The following SYNDIG1 variants were observed in gnomAD, a reference collection of about 807,000 sequenced individuals.
SYNDIG1 encodes the protein synapse differentiation-inducing gene protein 1.
In SYNDIG1, 9 loss-of-function variants were observed where a neutral mutation model predicts 19.4. That is an observed-to-expected ratio of 0.46 (90% CI 0.28 to 0.81). The LOEUF (loss-of-function observed/expected upper bound fraction) is 0.81. SYNDIG1 is among the 30% of genes least tolerant of loss of function. The probability of loss-of-function intolerance (pLI) is 0.12; values close to 1 mark genes in which losing one functional copy is unlikely to be tolerated. For missense variants in SYNDIG1, 311 were observed against 343.3 expected (o/e 0.91, Z 0.74); for synonymous variants, 141 against 145.9 (o/e 0.97, Z 0.24).
At chr20:24,619,334 G>A (rs376965143) in intron 3 of SYNDIG1, among the ~76,000 whole-genome samples, 112 of 152,320 alleles carry the variant, frequency 7.4e-4, no homozygotes, top group Middle Eastern at 3.4e-3. Context: ...TTTCTGAAGA[G>A]TGGGGACCCA....
intron 1 of SYNDIG1, among the ~76,000 whole-genome samples, chr20:24,515,871 G>A (rs1214529970): frequency 2.2e-4 from 33 of 152,024 alleles, no homozygotes; most frequent in African/African-American, 5.1e-4. Flanking sequence ...AACAGAGCCC[G>A]CATTGCCAAG....
intron 3 of SYNDIG1, among the ~76,000 whole-genome samples, chr20:24,614,194 C>T (rs1000998181): frequency 2.0e-5 from 3 of 151,994 alleles, no homozygotes; most frequent in East Asian, 1.9e-4. Flanking sequence ...TGTAGAGATG[C>T]GGTCTCACTA....
In SYNDIG1 at chr20:24,584,871, GAC is replaced by G; in HGVS notation, c.500_501del (p.Thr167ArgfsTer3). On this transcript the variant is annotated frameshift_variant, in exon 3 of 4. Coordinates refer to ENST00000376862, the MANE Select transcript of SYNDIG1 (RefSeq NM_024893.3). LOFTEE classifies it high-confidence loss of function. Reference protein sequence around the residue: ...FQELESDYSSDTESEDNFLMM... With the variant: ...FQELESDYSSXTESEDNFLMM... ...TCTCTTGCAGAGCGACTACTCAAGC[GAC>G]ACAGAGAGTGAGGACAATTTCCTCA... 1 of 1,614,106 alleles carries G rather than the reference GAC, an allele frequency of 6.2e-7. No individual in the cohort carries two copies. The highest frequency in any genetic ancestry group is 8.5e-7 in the Non-Finnish European group (1 of 1,180,034).
intron 3 of SYNDIG1, among the ~76,000 whole-genome samples, chr20:24,652,518 G>A (rs1324104522): frequency 1.3e-5 from 2 of 152,210 alleles, no homozygotes; most frequent in Non-Finnish European, 2.9e-5. Flanking sequence ...GGTTGGCTGT[G>A]ACTCCAGTAA....
intron 1 of SYNDIG1, among the ~76,000 whole-genome samples, chr20:24,491,056 T>C (rs1483179272): frequency 6.6e-6 from 1 of 152,004 alleles, no homozygotes. Context: ...GCCTTTGAGG[T>C]CCAGGGTCAG....
chr20:24,554,303 C>A (rs893343666), intron 2 of SYNDIG1, among the ~76,000 whole-genome samples: 2 of 152,220 alleles, frequency 1.3e-5, no homozygotes, highest in African/African-American at 4.8e-5. Flanking sequence ...TTATTTCCTT[C>A]TCCTGCCTAA....
intron 3 of SYNDIG1, among the ~76,000 whole-genome samples, chr20:24,637,034 T>A (rs957589949): frequency 2.0e-5 from 3 of 152,198 alleles, no homozygotes; most frequent in African/African-American, 7.2e-5. Flanking sequence ...TTGCTTGACC[T>A]TTTCCCTGTG....
At chr20:24,560,368 C>G (rs2057916859) in intron 2 of SYNDIG1, among the ~76,000 whole-genome samples, 2 of 151,930 alleles carry the variant, frequency 1.3e-5, no homozygotes, top group African/African-American at 4.8e-5. Context: ...GGTTCTGTTC[C>G]TTTTCCTTTA....
chr20:24,663,838 C>A (rs1230072146), intron 3 of SYNDIG1, among the ~76,000 whole-genome samples: 2 of 152,102 alleles, frequency 1.3e-5, no homozygotes, highest in African/African-American at 4.8e-5. Context: ...AAGCCATGAC[C>A]CTAATGAGCA....
chr20:24,502,334 C>G (rs1329987828), intron 1 of SYNDIG1: 1 of 152,270 alleles, frequency 6.6e-6, no homozygotes, highest in East Asian at 1.9e-4. Context: ...CTCCCCATCA[C>G]TAAGTGAATC....
intron 2 of SYNDIG1, among the ~76,000 whole-genome samples, chr20:24,563,381 G>A (rs2057981540): frequency 6.6e-6 from 1 of 152,128 alleles, no homozygotes; most frequent in South Asian, 2.1e-4. Context: ...TCTTATCTGA[G>A]TTCCTTTCTC....
intron 1 of SYNDIG1, among the ~76,000 whole-genome samples, chr20:24,526,574 G>T (rs1016933109): frequency 1.3e-5 from 2 of 152,000 alleles, no homozygotes; most frequent in African/African-American, 4.8e-5. Flanking sequence ...TATATAGAGA[G>T]AGAGATATAG....
chr20:24,579,175 CCCGGGTGCT>C (rs1176013601), intron 2 of SYNDIG1, among the ~76,000 whole-genome samples: 3 of 152,228 alleles, frequency 2.0e-5, no homozygotes. Context: ...ACTGGCCTGG[CCCGGGTGCT>C]CCGTCAGTGG....
At chr20:24,635,173 T>TG (rs2059303122) in intron 3 of SYNDIG1, among the ~76,000 whole-genome samples, 1 of 152,020 alleles carries the variant, frequency 6.6e-6, no homozygotes, top group African/African-American at 2.4e-5. Context: ...TGCTGGGCCG[T>TG]GGGCCCAGGT....
At chr20:24,570,512 G>GA (rs887109575) in intron 2 of SYNDIG1, among the ~76,000 whole-genome samples, 3 of 152,180 alleles carry the variant, frequency 2.0e-5, no homozygotes, top group Non-Finnish European at 4.4e-5. Context: ...GACACTTCAT[G>GA]AAAGGGAATA....
At chr20:24,529,353 A>ATGG (rs760336306) in intron 1 of SYNDIG1, among the ~76,000 whole-genome samples, 10 of 151,948 alleles carry the variant, frequency 6.6e-5, no homozygotes, top group South Asian at 4.2e-4. Context: ...TCTGGTAGTG[A>ATGG]TGGTGGTGGT....
intron 3 of SYNDIG1, among the ~76,000 whole-genome samples, chr20:24,632,706 C>CG (rs2059262300): frequency 6.6e-6 from 1 of 152,128 alleles, no homozygotes; most frequent in African/African-American, 2.4e-5. Context: ...CTGTCGTGAG[C>CG]GGGGAAACAG....
At chr20:24,478,817 C>T (rs2055708671) in intron 1 of SYNDIG1, among the ~76,000 whole-genome samples, 1 of 152,170 alleles carries the variant, frequency 6.6e-6, no homozygotes, top group Non-Finnish European at 1.5e-5. Context: ...AGAACAGAAG[C>T]CTCCCACAGA....
chr20:24,510,270 T>C (rs1434068726), intron 1 of SYNDIG1, among the ~76,000 whole-genome samples: 1 of 152,154 alleles, frequency 6.6e-6, no homozygotes, highest in Non-Finnish European at 1.5e-5. Flanking sequence ...TATAGGAATT[T>C]GAAATTATTT....
Sources: gnomAD v4.1 joint callset for allele counts (sites outside exome capture counted in the v4.1 genomes callset) on GRCh38, gnomAD v4.1.1 for gene constraint, MANE v1.5 for transcripts, NCBI Gene and HGNC (gene_info 2026-07-23, HGNC 2026-07-21) for gene names.